Variants in PRKG1 observed in about 807,000 individuals in gnomAD.
The protein encoded by PRKG1 is protein kinase cGMP-dependent 1, also known as cGMP-dependent protein kinase 1.
Under a neutral mutation model 88.1 loss-of-function variants are expected in PRKG1, and 35 were observed. The ratio of observed to expected loss-of-function variants is 0.40; its 90% CI spans 0.30 to 0.53. The LOEUF is 0.53. Among genes scored for constraint, PRKG1 ranks in the 20% least tolerant of loss-of-function variants. PRKG1 has a pLI of 0.59. For missense variants in PRKG1, 540 were observed against 839.8 expected (o/e 0.64, Z 4.41); for synonymous variants, 303 against 292.5 (o/e 1.04, Z -0.37).
chr10:51,850,421 C>A (rs1266723262), intron 4 of PRKG1, among the ~76,000 whole-genome samples: 1 of 152,138 alleles, frequency 6.6e-6, no homozygotes, highest in Non-Finnish European at 1.5e-5. Context: ...AGATGATCCA[C>A]CTGCCTTGGC....
At chr10:51,731,901 G>A (rs1374795177) in intron 3 of PRKG1, among the ~76,000 whole-genome samples, 1 of 152,164 alleles carries the variant, frequency 6.6e-6, no homozygotes, top group African/African-American at 2.4e-5. Flanking sequence ...TCCTTGGCTT[G>A]CAGATGGCTG....
chr10:52,106,659 G>A (rs57548635), intron 7 of PRKG1, among the ~76,000 whole-genome samples: 18,793 of 150,106 alleles, frequency 0.13, 1,375 homozygotes, highest in Non-Finnish European at 0.16. Flanking sequence ...AGCCGAGATC[G>A]CGCCACTGCA....
At chr10:51,300,555 C>CT (rs1056007724) in intron 2 of PRKG1, among the ~76,000 whole-genome samples, 114 of 152,236 alleles carry the variant, frequency 7.5e-4, no homozygotes, top group African/African-American at 2.7e-3. Flanking sequence ...ATGAATTTTG[C>CT]TTTACTCTTG....
At chr10:51,811,407 A>G (rs764745285) in intron 4 of PRKG1, among the ~76,000 whole-genome samples, 2 of 152,080 alleles carry the variant, frequency 1.3e-5, no homozygotes, top group South Asian at 2.1e-4. Flanking sequence ...TAATAACTCA[A>G]TCCAACAGGC....
At chr10:52,063,457 C>A (rs999685830) in intron 7 of PRKG1, among the ~76,000 whole-genome samples, 1 of 152,202 alleles carries the variant, frequency 6.6e-6, no homozygotes, top group East Asian at 1.9e-4. Context: ...AGGTCTGGGC[C>A]CCCCAAAGGG....
chr10:51,025,097 T>G (rs1308081308), intron 1 of PRKG1, among the ~76,000 whole-genome samples: 1 of 152,174 alleles, frequency 6.6e-6, no homozygotes, highest in East Asian at 1.9e-4. Context: ...CCTTCTAAAC[T>G]TGCTCCATAG....
chr10:51,339,677 A>T (rs950692223), intron 2 of PRKG1, among the ~76,000 whole-genome samples: 1 of 151,840 alleles, frequency 6.6e-6, no homozygotes, highest in Non-Finnish European at 1.5e-5. Flanking sequence ...GCTGTTTTTA[A>T]CTATTTTCTC....
At chr10:51,732,470 A>C (rs1054761740) in intron 3 of PRKG1, among the ~76,000 whole-genome samples, 3 of 152,206 alleles carry the variant, frequency 2.0e-5, no homozygotes, top group African/African-American at 7.2e-5. Flanking sequence ...AAGGGGTGGA[A>C]ATCCACGACA....
At chr10:51,678,629 T>C (rs903612080) in intron 3 of PRKG1, among the ~76,000 whole-genome samples, 3 of 152,216 alleles carry the variant, frequency 2.0e-5, no homozygotes, top group African/African-American at 7.2e-5. Flanking sequence ...GATTGTTTAA[T>C]AGGATTGAAA....
chr10:51,658,808 T>C (rs532208429), intron 3 of PRKG1, among the ~76,000 whole-genome samples: 3 of 152,232 alleles, frequency 2.0e-5, no homozygotes, highest in South Asian at 2.1e-4. Flanking sequence ...CCTTGAAATA[T>C]TAGCAGAAAA....
Position 51,186,269 on chromosome 10 carries a change from A to G in PRKG1, c.478+32939A>G, listed in dbSNP as rs1837484693. Among the ~76,000 whole-genome samples, 8 of 150,370 alleles carry G rather than the reference A, an allele frequency of 5.3e-5. No individual in the cohort carries two copies. In the South Asian group the frequency reaches 1.7e-3, roughly 32 times the overall value. The stretch of plus-strand genomic sequence containing the variant: ...GCTTCCCAATTCTTTTTTTAATTTT[A>G]TTTATTTTTATATTTTTCTCATTTA... On this transcript the variant is annotated intron_variant, in intron 2 of 17. Transcript: ENST00000373980.
At chr10:51,599,849 A>C (rs1273027056) in intron 3 of PRKG1, among the ~76,000 whole-genome samples, 1 of 152,200 alleles carries the variant, frequency 6.6e-6, no homozygotes, top group Non-Finnish European at 1.5e-5. Context: ...TGGGGTTGCT[A>C]TGACTACAAA....
At chr10:51,173,411 AGTGTGTGTGTGTGT>A (rs3998227) in intron 2 of PRKG1, among the ~76,000 whole-genome samples, 1 of 149,874 alleles carries the variant, frequency 6.7e-6, no homozygotes, top group Non-Finnish European at 1.5e-5. Context: ...AGAGTTGGGC[AGTGTGTGTGTGTGT>A]GTATTTGTGT....
intron 2 of PRKG1, among the ~76,000 whole-genome samples, chr10:51,168,869 T>G (rs1846621591): frequency 6.6e-6 from 1 of 152,188 alleles, no homozygotes; most frequent in Non-Finnish European, 1.5e-5. Context: ...TCCATTGAAG[T>G]GCTTATTGTT....
chr10:51,152,231 A>G (rs914635037), intron 1 of PRKG1, among the ~76,000 whole-genome samples: 2 of 152,050 alleles, frequency 1.3e-5, no homozygotes, highest in African/African-American at 2.4e-5. Flanking sequence ...TAACCACTGA[A>G]TTCCAATTAC....
chr10:51,737,731 TTATTTATTA>T (rs1325557305), intron 3 of PRKG1, among the ~76,000 whole-genome samples: 28 of 107,370 alleles, frequency 2.6e-4, no homozygotes, highest in African/African-American at 1.1e-3. Flanking sequence ...ATTTATTTAT[TTATTTATTA>T]ATTATTATTA....
chr10:52,129,040 A>T (rs1209748591), intron 7 of PRKG1, among the ~76,000 whole-genome samples: 2 of 152,172 alleles, frequency 1.3e-5, no homozygotes, highest in African/African-American at 4.8e-5. Context: ...AATGTCTTGT[A>T]TTCTTCTATT....
intron 8 of PRKG1, among the ~76,000 whole-genome samples, chr10:52,140,881 G>T (rs1171770758): frequency 6.6e-6 from 1 of 152,094 alleles, no homozygotes; most frequent in East Asian, 1.9e-4. Flanking sequence ...GTGTCCACAT[G>T]ATAGGACTGT....
intron 10 of PRKG1, among the ~76,000 whole-genome samples, chr10:52,265,862 C>T (rs1179463593): frequency 1.3e-5 from 2 of 152,060 alleles, no homozygotes; most frequent in Non-Finnish European, 2.9e-5. Flanking sequence ...CAATATAATA[C>T]TTCATTTTGA....
Sources: allele counts gnomAD v4.1 joint callset (sites outside exome capture counted in the v4.1 genomes callset), GRCh38; gene constraint gnomAD v4.1.1; transcripts MANE v1.5; gene names NCBI Gene and HGNC (gene_info 2026-07-23, HGNC 2026-07-21).